FGF13: variants seen among roughly 807,000 people sequenced by gnomAD.
FGF13 encodes fibroblast growth factor homologous factor 2.
In FGF13, 2 loss-of-function variants were observed where a neutral mutation model predicts 19.5. That is an observed-to-expected ratio of 0.10 (90% CI 0.04 to 0.32). The LOEUF (loss-of-function observed/expected upper bound fraction) is 0.32, where lower values mean the gene tolerates loss of function less well. FGF13 is among the 10% of genes least tolerant of loss of function. The pLI is 1.00. For synonymous variants in FGF13, 72 were observed against 76.9 expected (o/e 0.94, Z 0.33); for missense variants, 113 against 192.7 (o/e 0.59, Z 2.45).
chrX:139,119,608 T>C (rs2124470744), intron 1 of FGF13, among the ~76,000 whole-genome samples: 1 of 111,818 alleles, frequency 8.9e-6, no homozygotes, highest in Admixed American at 9.5e-5. Context: ...GCCTGCCTGC[T>C]CTGTGATGCC....
chrX:138,800,866 G>C (rs1301782568), intron 3 of FGF13, among the ~76,000 whole-genome samples: 3 of 111,513 alleles, frequency 2.7e-5, no homozygotes, highest in Non-Finnish European at 5.6e-5. Context: ...TCTTCCACTT[G>C]ATCAATTCAG....
chrX:139,110,705 C>T (rs139387664), intron 1 of FGF13, among the ~76,000 whole-genome samples: 7 of 112,401 alleles, frequency 6.2e-5, no homozygotes, highest in East Asian at 5.6e-4. Context: ...TATCTTCCCA[C>T]GTCTCCAGCT....
chrX:139,131,382 G>GGTGT (rs10541863), intron 1 of FGF13, among the ~76,000 whole-genome samples: 425 of 91,442 alleles, frequency 4.6e-3, no homozygotes, highest in Non-Finnish European at 7.3e-3. Flanking sequence ...AATATAGAGG[G>GGTGT]GTGTGTGTGT....
At chrX:139,003,092 C>T (rs1287995444) in intron 1 of FGF13, among the ~76,000 whole-genome samples, 4 of 111,796 alleles carry the variant, frequency 3.6e-5, no homozygotes, top group Non-Finnish European at 5.6e-5. Flanking sequence ...AGAATGAAGC[C>T]GCGGACCCTC....
chrX:138,772,403 C>T (rs1260142345), intron 3 of FGF13, among the ~76,000 whole-genome samples: 1 of 109,430 alleles, frequency 9.1e-6, no homozygotes, highest in Non-Finnish European at 1.9e-5. Flanking sequence ...GAAAAGGGGA[C>T]ACCCGTACCT....
chrX:138,961,440 G>A (rs2091869486), intron 1 of FGF13, among the ~76,000 whole-genome samples: 1 of 111,167 alleles, frequency 9.0e-6, no homozygotes, highest in South Asian at 3.9e-4. Flanking sequence ...AGGCTACTCG[G>A]GGGTCAAGGA....
intron 1 of FGF13, among the ~76,000 whole-genome samples, chrX:138,993,199 A>G (rs1422315085): frequency 8.9e-6 from 1 of 112,082 alleles, no homozygotes; most frequent in Non-Finnish European, 1.9e-5. Context: ...TAATTGAAAC[A>G]TGAGATACTG....
chrX:138,908,314 A>G (rs963273186), intron 1 of FGF13, among the ~76,000 whole-genome samples: 6 of 106,943 alleles, frequency 5.6e-5, no homozygotes, highest in South Asian at 8.6e-4. Flanking sequence ...TCCTGACCTC[A>G]TGATCCGCCC....
chrX:138,936,272 A>G (rs2091730708), intron 1 of FGF13, among the ~76,000 whole-genome samples: 1 of 112,013 alleles, frequency 8.9e-6, no homozygotes, highest in African/African-American at 3.2e-5. Flanking sequence ...TCCCTTAGTA[A>G]TCTTACTGAT....
intron 3 of FGF13, among the ~76,000 whole-genome samples, chrX:138,753,803 G>A (rs747350105): frequency 5.3e-4 from 59 of 112,301 alleles, no homozygotes; most frequent in Non-Finnish European, 8.8e-4. Context: ...CATTCTTGTT[G>A]ACTTAATCAA....
intron 1 of FGF13, among the ~76,000 whole-genome samples, chrX:139,003,027 C>T (rs895854260): frequency 2.7e-5 from 3 of 112,408 alleles, no homozygotes; most frequent in Admixed American, 9.4e-5. Flanking sequence ...CTTTGTCTTG[C>T]ACTTTAGGTA....
intron 1 of FGF13, among the ~76,000 whole-genome samples, chrX:138,979,562 A>G (rs2091955056): frequency 9.1e-6 from 1 of 109,916 alleles, no homozygotes; most frequent in Admixed American, 9.8e-5. Context: ...TTCCACAATG[A>G]CCTTTTTCCC....
chrX:138,780,339 T>G (rs1337359971), intron 3 of FGF13, among the ~76,000 whole-genome samples: 1 of 96,678 alleles, frequency 1.0e-5, no homozygotes, highest in Non-Finnish European at 2.0e-5. Context: ...GTAAATGGAC[T>G]AAATGCTCCA....
rs149853515 is a variant in FGF13, at chrX:138,895,214, A to G, written c.-112-30564T>C. On this transcript the variant is annotated intron_variant, in intron 1 of 2. Transcript: ENST00000421460. ...GGTGTACAACTTGATGATGTGATAT[A>G]TGTATACATGGTGTAATTATTACAC... 7.8e-3 allele frequency among the ~76,000 whole-genome samples: 877 copies of G among 112,082 alleles called. 12 individuals are homozygous for G. Among genetic ancestry groups the G allele is most frequent in the African/African-American group, 0.028 (849 of 30,803 alleles).
chrX:138,948,156 G>A (rs188739519), intron 1 of FGF13, among the ~76,000 whole-genome samples: 1 of 111,806 alleles, frequency 8.9e-6, no homozygotes, highest in Admixed American at 9.5e-5. Flanking sequence ...GAAGGGGCAG[G>A]TGTGTTGTGC....
At chrX:139,056,038 C>T (rs1001407247) in intron 1 of FGF13, among the ~76,000 whole-genome samples, 17 of 112,169 alleles carry the variant, frequency 1.5e-4, no homozygotes, top group African/African-American at 5.2e-4. Flanking sequence ...GGTTAGGAAG[C>T]AACCAATCTT....
intron 1 of FGF13, among the ~76,000 whole-genome samples, chrX:138,949,439 G>C (rs918936112): frequency 9.0e-6 from 1 of 111,042 alleles, no homozygotes; most frequent in Non-Finnish European, 1.9e-5. Flanking sequence ...TCACTACATG[G>C]CCTTCTCACC....
chrX:139,046,303 C>T (rs2092287075), intron 1 of FGF13, among the ~76,000 whole-genome samples: 1 of 111,235 alleles, frequency 9.0e-6, no homozygotes, highest in Admixed American at 9.5e-5. Context: ...CAGAACTGAG[C>T]CACGAGGGAT....
At chrX:138,779,335 G>C (rs1352596069) in intron 3 of FGF13, among the ~76,000 whole-genome samples, 1 of 112,131 alleles carries the variant, frequency 8.9e-6, no homozygotes, top group Non-Finnish European at 1.9e-5. Context: ...GACGAGCTGA[G>C]AGAAGAAGGC....
Sources: allele counts gnomAD v4.1 joint callset (sites outside exome capture counted in the v4.1 genomes callset), GRCh38; gene constraint gnomAD v4.1.1; transcripts MANE v1.5; gene names NCBI Gene and HGNC (gene_info 2026-07-23, HGNC 2026-07-21).